The following NYAP2 variants were observed in gnomAD, a reference collection of about 807,000 sequenced individuals.
The protein encoded by NYAP2 is neuronal tyrosine-phosphorylated phosphoinositide-3-kinase adaptor 2.
A neutral mutation model predicts 50.4 loss-of-function variants in NYAP2; 23 were observed. The ratio of observed to expected loss-of-function variants is 0.46; its 90% confidence interval spans 0.33 to 0.65. The LOEUF (loss-of-function observed/expected upper bound fraction) is 0.65. Ranked by LOEUF, NYAP2 falls within the 30% of genes least tolerant of loss-of-function variation. The probability of loss-of-function intolerance (pLI) is 0.02; values close to 1 mark genes in which losing one functional copy is unlikely to be tolerated. For synonymous variants in NYAP2, 394 were observed against 365.2 expected, an observed-to-expected ratio of 1.08 and a Z score of -0.90; for missense variants, 885 against 861.0, an observed-to-expected ratio of 1.03 and a Z score of -0.35.
downstream of NYAP2, among the ~76,000 whole-genome samples, chr2:225,657,537 C>T (rs1186277416): frequency 6.7e-6 from 1 of 149,138 alleles, no homozygotes. Flanking sequence ...AAAACAAGTC[C>T]TAAGGGCAAT....
chr2:225,503,103 T>A (rs1452360687), intron 3 of NYAP2, among the ~76,000 whole-genome samples: 1 of 152,214 alleles, frequency 6.6e-6, no homozygotes, highest in Non-Finnish European at 1.5e-5. Context: ...ACTTCTAGGT[T>A]GAAAAAAATG....
intron 6 of NYAP2, among the ~76,000 whole-genome samples, chr2:225,627,593 G>T (rs972460275): frequency 6.6e-6 from 1 of 152,166 alleles, no homozygotes; most frequent in Non-Finnish European, 1.5e-5. Context: ...ATATTAGGAG[G>T]CATCTGAAAT....
intron 3 of NYAP2, among the ~76,000 whole-genome samples, chr2:225,446,244 CTCTATA>C (rs1381498632): frequency 5.7e-4 from 64 of 112,146 alleles, no homozygotes; most frequent in African/African-American, 1.7e-3. Context: ...CTCTCTCTCT[CTCTATA>C]TATATATATA....
At chr2:225,422,873 A>G (rs139919012) in intron 3 of NYAP2, among the ~76,000 whole-genome samples, 14 of 152,268 alleles carry the variant, frequency 9.2e-5, no homozygotes, top group Admixed American at 3.3e-4. Flanking sequence ...TTAATGATAG[A>G]TACTATGACT....
intron 5 of NYAP2, among the ~76,000 whole-genome samples, chr2:225,620,096 G>T (rs188522699): frequency 9.2e-5 from 14 of 152,258 alleles, no homozygotes; most frequent in Admixed American, 8.5e-4. Context: ...ATGTAAGATT[G>T]ATCTTGTTCC....
At chr2:225,503,281 CTG>C (rs1257076320) in intron 3 of NYAP2, among the ~76,000 whole-genome samples, 1 of 152,206 alleles carries the variant, frequency 6.6e-6, no homozygotes, top group African/African-American at 2.4e-5. Flanking sequence ...CTTCTGTAAA[CTG>C]TATTCTAAGT....
chr2:225,699,734 C>T, the NYAP2 span: 1 of 151,642 alleles, frequency 6.6e-6, no homozygotes, highest in African/African-American at 2.4e-5. Context: ...TGTTTCATTT[C>T]ATTTTGTTTC....
intron 3 of NYAP2, among the ~76,000 whole-genome samples, chr2:225,455,501 C>T (rs1559184533): frequency 6.6e-6 from 1 of 152,084 alleles, no homozygotes; most frequent in African/African-American, 2.4e-5. Flanking sequence ...CATAATTAAC[C>T]ATATAATTTT....
chr2:225,546,107 C>T (rs982733728), intron 4 of NYAP2, among the ~76,000 whole-genome samples: 8 of 152,120 alleles, frequency 5.3e-5, no homozygotes, highest in African/African-American at 1.4e-4. Flanking sequence ...TGGCCACCAC[C>T]GCTGGGACTG....
At chr2:225,658,646 C>T (rs186268360), downstream of NYAP2, among the ~76,000 whole-genome samples, 214 of 152,154 alleles carry the variant, frequency 1.4e-3, no homozygotes, top group Non-Finnish European at 2.3e-3. Flanking sequence ...TTTATATGGT[C>T]CTGTCAAATT....
intron 5 of NYAP2, among the ~76,000 whole-genome samples, chr2:225,619,595 T>G (rs1231535390): frequency 6.6e-6 from 1 of 152,068 alleles, no homozygotes; most frequent in Non-Finnish European, 1.5e-5. Flanking sequence ...CAAGTCTTCC[T>G]AGGTGGCCCA....
downstream of NYAP2, among the ~76,000 whole-genome samples, chr2:225,658,227 T>C (rs937509562): frequency 6.6e-5 from 10 of 152,262 alleles, no homozygotes; most frequent in African/African-American, 2.4e-4. Flanking sequence ...CATATTAAAA[T>C]TGGCTCTTAT....
the NYAP2 span, among the ~76,000 whole-genome samples, chr2:225,683,614 A>T: frequency 6.6e-6 from 1 of 152,182 alleles, no homozygotes; most frequent in African/African-American, 2.4e-5. Flanking sequence ...TTCCTTCTAC[A>T]TACATGTCTC....
intron 2 of NYAP2, among the ~76,000 whole-genome samples, chr2:225,407,616 A>T (rs189809151): frequency 1.3e-3 from 197 of 152,120 alleles, no homozygotes; most frequent in African/African-American, 4.5e-3. Context: ...AATTATTTGT[A>T]ATTGAAAAAG....
At chr2:225,549,213 T>C (rs550110328) in intron 4 of NYAP2, among the ~76,000 whole-genome samples, 1 of 152,318 alleles carries the variant, frequency 6.6e-6, no homozygotes, top group African/African-American at 2.4e-5. Flanking sequence ...TTTTCTCTAC[T>C]TCCAAGAATG....
In NYAP2 at chr2:225,533,203, G is replaced by A. The variant is rs985461642; in HGVS notation, c.523+19531G>A. Among the ~76,000 whole-genome samples the A allele has an allele frequency of 2.0e-5, 3 of 152,190 alleles. No individual in the cohort carries two copies. In the South Asian group the frequency reaches 6.2e-4, roughly 31 times the overall value. ...TTATAAAAATGCTTAAAATGAAAAA[G>A]TATGTTGCTACTGAATAAAAATGCT... On this transcript the variant is annotated intron_variant, in intron 4 of 6. Coordinates refer to ENST00000636099, the Ensembl canonical transcript of NYAP2.
intron 3 of NYAP2, among the ~76,000 whole-genome samples, chr2:225,501,738 A>G (rs1213433694): frequency 1.3e-5 from 2 of 152,206 alleles, no homozygotes; most frequent in East Asian, 3.8e-4. Flanking sequence ...TAATTCAAAA[A>G]GAAAAGTTTC....
chr2:225,668,815 G>C, the NYAP2 span, among the ~76,000 whole-genome samples: 1 of 152,078 alleles, frequency 6.6e-6, no homozygotes, highest in Non-Finnish European at 1.5e-5. Flanking sequence ...ACCACTAGAG[G>C]GAGGGAGAGG....
At chr2:225,620,556 T>G (rs1693081765) in intron 5 of NYAP2, among the ~76,000 whole-genome samples, 1 of 152,142 alleles carries the variant, frequency 6.6e-6, no homozygotes. Flanking sequence ...CATAATACAT[T>G]TATGATTTTC....
Sources: gnomAD v4.1 joint callset for allele counts (sites outside exome capture counted in the v4.1 genomes callset) on GRCh38, gnomAD v4.1.1 for gene constraint, MANE v1.5 for transcripts, NCBI Gene and HGNC (gene_info 2026-07-23, HGNC 2026-07-21) for gene names.